The following CHD6 variants were observed in gnomAD, a reference collection of about 807,000 sequenced individuals.
CHD6 encodes chromodomain helicase DNA binding protein 6.
Under a neutral mutation model 276.9 loss-of-function variants are expected in CHD6, and 50 were observed. The ratio of observed to expected loss-of-function variants is 0.18; its 90% CI spans 0.14 to 0.23. The LOEUF is 0.23. CHD6 is among the 10% of genes least tolerant of loss of function. The pLI, the probability that CHD6 is intolerant of heterozygous loss-of-function variation, is 1.00. For missense variants in CHD6, 2,564 were observed against 3,365.8 expected (o/e 0.76, Z 5.89); for synonymous variants, 1,173 against 1,229.3 (o/e 0.95, Z 0.96).
chr20:41,559,129 A>G (rs2045273221), intron 1 of CHD6, among the ~76,000 whole-genome samples: 1 of 147,422 alleles, frequency 6.8e-6, no homozygotes, highest in African/African-American at 2.6e-5. Context: ...TTTGGTTTTA[A>G]GCTTATTGCC....
intron 1 of CHD6, among the ~76,000 whole-genome samples, chr20:41,583,088 A>G (rs909552355): frequency 6.6e-6 from 1 of 151,928 alleles, no homozygotes; most frequent in Admixed American, 6.6e-5. Context: ...GGCAGGGGGG[A>G]AAAAAAGGCT....
At chr20:41,525,753 T>A (rs2044516333) in intron 3 of CHD6, among the ~76,000 whole-genome samples, 1 of 152,192 alleles carries the variant, frequency 6.6e-6, no homozygotes. Context: ...AATAACTGGA[T>A]CAATACTCAT....
intron 31 of CHD6, 42 bp from the exon 32 acceptor site, chr20:41,417,391 T>C: frequency 6.4e-7 from 1 of 1,561,670 alleles, no homozygotes; most frequent in Non-Finnish European, 8.7e-7. Flanking sequence ...TTAACTATAG[T>C]AGTGAGATAC....
chr20:41,431,934 G>A (rs1176029825), intron 27 of CHD6, among the ~76,000 whole-genome samples: 1 of 151,916 alleles, frequency 6.6e-6, no homozygotes, highest in Admixed American at 6.6e-5. Context: ...CAAGGCGGGT[G>A]GATCACCTGA....
At chr20:41,577,492 G>C (rs1052111430) in intron 1 of CHD6, among the ~76,000 whole-genome samples, 1 of 151,984 alleles carries the variant, frequency 6.6e-6, no homozygotes, top group Non-Finnish European at 1.5e-5. Flanking sequence ...GGCTATTTCT[G>C]CTCTAAGGTC....
chr20:41,434,073 A>G (rs1477824336), intron 27 of CHD6, among the ~76,000 whole-genome samples: 2 of 152,246 alleles, frequency 1.3e-5, no homozygotes, highest in Non-Finnish European at 2.9e-5. Context: ...TAATGTATCA[A>G]TAATTACATT....
chr20:41,541,710 G>A (rs934914771), intron 2 of CHD6, among the ~76,000 whole-genome samples: 1 of 152,196 alleles, frequency 6.6e-6, no homozygotes, highest in African/African-American at 2.4e-5. Context: ...AATCATCGCA[G>A]GTGTCAAACG....
At chr20:41,616,450 C>G (rs75581238) in intron 1 of CHD6, among the ~76,000 whole-genome samples, 7,597 of 152,136 alleles carry the variant, frequency 0.05, 570 homozygotes, top group East Asian at 0.39. Flanking sequence ...CGCCCATGGC[C>G]AGACTACACC....
chr20:41,520,796 C>T lies in CHD6; in HGVS notation c.555-5844G>A, dbSNP rs145974733. 6.5e-3 allele frequency among the ~76,000 whole-genome samples: 986 copies of T among 151,760 alleles called. 11 individuals carry two copies. Among genetic ancestry groups the T allele is most frequent in the Middle Eastern group, 0.024 (7 of 294 alleles). ...GTAACTAACCTGCATGTTCTGCACA[C>T]GTACCCTAAAACTTAAAGTATAATA... On this transcript the variant is annotated intron_variant, in intron 3 of 36. Coordinates refer to ENST00000373233, the MANE Select transcript of CHD6 (RefSeq NM_032221.5).
At chr20:41,506,790 G>A (rs912872557) in intron 5 of CHD6, among the ~76,000 whole-genome samples, 2 of 152,172 alleles carry the variant, frequency 1.3e-5, no homozygotes, top group Admixed American at 1.3e-4. Flanking sequence ...TTCCACGAGG[G>A]CAGGAATTTC....
At chr20:41,456,420 C>G (rs1283099014) in intron 18 of CHD6, among the ~76,000 whole-genome samples, 1 of 151,476 alleles carries the variant, frequency 6.6e-6, no homozygotes, top group Non-Finnish European at 1.5e-5. Context: ...GAGGTCATTT[C>G]TCAACTAAAA....
intron 1 of CHD6, among the ~76,000 whole-genome samples, chr20:41,575,133 G>A (rs2045460900): frequency 6.6e-6 from 1 of 152,134 alleles, no homozygotes; most frequent in Non-Finnish European, 1.5e-5. Context: ...GTAATCAATG[G>A]GAAACCTCTG....
chr20:41,579,976 TC>T, intron 1 of CHD6, among the ~76,000 whole-genome samples: 1 of 152,324 alleles, frequency 6.6e-6, no homozygotes, highest in African/African-American at 2.4e-5. Context: ...CTTCTCCATT[TC>T]CACTATTCCC....
chr20:41,504,077 CAAAAAAAAA>C lies in CHD6; in HGVS notation c.853-4729_853-4721del, dbSNP rs1189323419. ...TGGGTGATAGAGTGAGACTCTGTCT[CAAAAAAAAA>C]AAAAAAAAAAAAAAAAAAGAAATAC... On this transcript the variant is annotated intron_variant, in intron 5 of 36. Coordinates refer to ENST00000373233, the MANE Select transcript of CHD6 (RefSeq NM_032221.5). Among the ~76,000 whole-genome samples the C allele has an allele frequency of 3.4e-3, 93 of 27,090 alleles. 1 individual carries two copies. Among genetic ancestry groups the C allele is most frequent in the African/African-American group, 0.011 (83 of 7,714 alleles). 17.8% of individuals were successfully genotyped at this position (27,090 alleles called of 152,430 possible). A position where few individuals can be genotyped will look rare whatever the true frequency, so the allele number is the denominator to read the frequency against.
At chr20:41,534,389 T>C (rs978029843) in intron 2 of CHD6, among the ~76,000 whole-genome samples, 4 of 152,304 alleles carry the variant, frequency 2.6e-5, no homozygotes, top group East Asian at 1.9e-4. Flanking sequence ...GGTGGCATGG[T>C]TTCCCTTCAG....
intron 24 of CHD6, among the ~76,000 whole-genome samples, chr20:41,447,117 G>GTTGTCTA (rs2048093812): frequency 6.6e-6 from 1 of 152,188 alleles, no homozygotes. Context: ...CATGGGTCGG[G>GTTGTCTA]TTGTCTATGT....
chr20:41,414,194 A>G (rs1001857566), intron 34 of CHD6: 1 of 152,254 alleles, frequency 6.6e-6, no homozygotes, highest in African/African-American at 2.4e-5. Flanking sequence ...TTGAAAGTCT[A>G]AGAGGAAGAC....
chr20:41,614,720 T>C (rs774726971), intron 1 of CHD6: 1 of 152,206 alleles, frequency 6.6e-6, no homozygotes, highest in African/African-American at 2.4e-5. Context: ...TTCAGGACTT[T>C]TATGGAAGTA....
At position 41,512,890 on chromosome 20, in the gene CHD6, G is replaced by T. The variant is rs745510467; in HGVS notation, c.808C>A (p.Arg270=). The change falls in exon 5 of 37, where the codon CGA becomes AGA. Residue 270 remains arginine (R), a synonymous_variant. Transcript: ENST00000373233. ...GTAGAGGCTGAGAGTGCAGATGTTCGACCAGCTCCAAGAACAGCAATTGTT... is the reference window on the plus strand; with the variant it reads ...GTAGAGGCTGAGAGTGCAGATGTTCTACCAGCTCCAAGAACAGCAATTGTT... ...GETIAVLGAG[R]TSALSASTLA... 6.2e-7 allele frequency: 1 copy of T among 1,613,970 alleles called. No individual in the cohort carries two copies. The highest frequency in any genetic ancestry group is 8.5e-7 in the Non-Finnish European group (1 of 1,179,922).
Sources: gnomAD v4.1 joint callset for allele counts (sites outside exome capture counted in the v4.1 genomes callset) on GRCh38, gnomAD v4.1.1 for gene constraint, MANE v1.5 for transcripts, NCBI Gene and HGNC (gene_info 2026-07-23, HGNC 2026-07-21) for gene names.